SNPH: variants seen among roughly 807,000 people sequenced by gnomAD.
The protein encoded by SNPH is syntaphilin.
Under a neutral mutation model 36.8 loss-of-function variants are expected in SNPH, and 10 were observed. The observed-to-expected ratio is 0.27, with a 90% CI of 0.17 to 0.46. The LOEUF is 0.46. SNPH is among the 20% of genes least tolerant of loss of function. SNPH has a pLI of 1.00. For missense variants in SNPH, 622 were observed against 744.0 expected (o/e 0.84, Z 1.91); for synonymous variants, 281 against 312.2 (o/e 0.90, Z 1.05).
chr20:1,283,671 G>A (rs577387040), intron 2 of SNPH, among the ~76,000 whole-genome samples: 6 of 152,160 alleles, frequency 3.9e-5, no homozygotes, highest in Non-Finnish European at 5.9e-5. Context: ...ACGGCCGTGG[G>A]CTGCCAGTTT....
intron 2 of SNPH, among the ~76,000 whole-genome samples, chr20:1,274,546 G>C (rs2088109406): frequency 6.6e-6 from 1 of 152,184 alleles, no homozygotes; most frequent in South Asian, 2.1e-4. Context: ...GCTGGTCACA[G>C]ATGAGGCAAG....
intron 2 of SNPH, among the ~76,000 whole-genome samples, chr20:1,268,694 G>A (rs781690495): frequency 5.9e-5 from 9 of 151,286 alleles, no homozygotes; most frequent in Non-Finnish European, 1.3e-4. Flanking sequence ...CCATGAGTAG[G>A]CCCAAAGTAG....
intron 5 of SNPH, among the ~76,000 whole-genome samples, chr20:1,298,851 T>C (rs2088472395): frequency 6.9e-6 from 1 of 143,946 alleles, no homozygotes; most frequent in African/African-American, 2.7e-5. Context: ...TGTGTATACA[T>C]ATTTTTTTTT....
At chr20:1,303,665 A>G (rs1822142152) in intron 6 of SNPH, among the ~76,000 whole-genome samples, 1 of 152,136 alleles carries the variant, frequency 6.6e-6, no homozygotes, top group Admixed American at 6.5e-5. Context: ...GCATCCCCTC[A>G]GCCCCCAGTC....
intron 2 of SNPH, among the ~76,000 whole-genome samples, chr20:1,286,702 G>A (rs887515775): frequency 4.6e-5 from 7 of 152,196 alleles, no homozygotes; most frequent in African/African-American, 1.7e-4. Context: ...TGAAATGCCA[G>A]GAGAGCAAGA....
intron 2 of SNPH, among the ~76,000 whole-genome samples, chr20:1,272,260 T>A (rs1299546338): frequency 6.6e-6 from 1 of 152,202 alleles, no homozygotes; most frequent in African/African-American, 2.4e-5. Context: ...AGAGCTTCTG[T>A]TTCCTCACCT....
At position 1,285,458 on chromosome 20, in the gene SNPH, T is replaced by C. The variant is rs1174177551; in HGVS notation, c.-492-9493T>C. 6.6e-6 allele frequency among the ~76,000 whole-genome samples: 1 copy of C among 152,184 alleles called. No homozygotes were observed. Among genetic ancestry groups the C allele is most frequent in the Non-Finnish European group, 1.5e-5 (1 of 68,034 alleles). ...AAAGATGTAATATACATGAATAACA[T>C]TGAGAATAAGAATATATTCAGGCGA... is the stretch of plus-strand genomic sequence containing the variant. On this transcript the variant is annotated intron_variant, in intron 2 of 6. Transcript: ENST00000381867. This position sits in a 1 kb window ranked among gnomAD's most constrained non-coding sequence, Gnocchi z 4.9.
At position 1,309,278 on chromosome 20, in the gene SNPH, A is replaced by AGTT. The variant is rs1479103156; in HGVS notation, c.*3227_*3229dup. The AGTT allele has an allele frequency of 1.3e-5, 2 of 152,634 alleles. No homozygotes were observed. The highest frequency in any genetic ancestry group is 2.4e-5 in the African/African-American group (1 of 41,444). 9.5% of individuals were successfully genotyped at this position (152,634 alleles called of 1,614,324 possible). ...CTCCTTTGTCCTTTTGTTCAGACAGAGTTGTACCTGCAGCAGACAACTCTG... is the reference window on the plus strand; with the variant it reads ...CTCCTTTGTCCTTTTGTTCAGACAGAGTTGTTGTACCTGCAGCAGACAACTCTG... On this transcript the variant is annotated 3_prime_UTR_variant, in exon 7 of 7. Transcript: ENST00000381867.
At position 1,305,208 on chromosome 20, in the gene SNPH, C is replaced by T; in HGVS notation, c.771C>T (p.Ser257=). The change falls in exon 7 of 7, where the codon TCC becomes TCT. Residue 257 remains serine, a synonymous_variant. Coordinates refer to ENST00000381867, the MANE Select transcript of SNPH (RefSeq NM_001318234.2). The part of the protein sequence containing the change: ...GSPARSLTRS[S]TYTKLSDPAV... The stretch of plus-strand genomic sequence containing the variant: ...CTGCCCGCTCCCTCACCCGCAGCTC[C>T]ACCTACACCAAGCTGAGTGACCCGG... 6.2e-7 allele frequency: 1 copy of T among 1,611,852 alleles called. No individual in the cohort carries two copies. The highest frequency in any genetic ancestry group is 1.1e-5 in the South Asian group (1 of 91,014).
chr20:1,286,969 C>A (rs1040802784), intron 2 of SNPH, among the ~76,000 whole-genome samples: 1 of 152,170 alleles, frequency 6.6e-6, no homozygotes, highest in Admixed American at 6.5e-5. Context: ...ACACACAGGG[C>A]AACTTTGGGG....
At chr20:1,278,072 C>CTG (rs980718077) in intron 2 of SNPH, among the ~76,000 whole-genome samples, 2 of 99,190 alleles carry the variant, frequency 2.0e-5, no homozygotes, top group South Asian at 6.6e-4. Flanking sequence ...GTGTGTGTAT[C>CTG]TGTGTGTGTC....
rs776672080 is a variant in SNPH at position 1,304,851 on chromosome 20, G to T, written c.441-27G>T. ...GACAGACCAGGCAGGCAGGCAGTGA[G>T]CGTGTGTGTGTCTCCTCGGCTCGCA... On this transcript the variant is annotated intron_variant, in intron 6 of 6. Coordinates refer to ENST00000381867, the MANE Select transcript of SNPH (RefSeq NM_001318234.2). This position sits in a 1 kb window ranked among gnomAD's most constrained non-coding sequence, Gnocchi z 4.3. 1 of 1,601,634 alleles carries T rather than the reference G, an allele frequency of 6.2e-7. No homozygotes were observed. Among genetic ancestry groups the T allele is most frequent in the Non-Finnish European group, 8.5e-7 (1 of 1,172,810 alleles).
chr20:1,284,999 G>A (rs950184639), intron 2 of SNPH, among the ~76,000 whole-genome samples: 1 of 152,176 alleles, frequency 6.6e-6, no homozygotes, highest in Non-Finnish European at 1.5e-5. Context: ...TTGGACCAGG[G>A]ATGGAGCAGT....
rs2088609397 is a variant in SNPH at position 1,308,357 on chromosome 20, G to A, written c.*2303G>A. 6.5e-6 allele frequency: 1 copy of A among 152,782 alleles called. No individual in the cohort carries two copies. Among genetic ancestry groups the A allele is most frequent in the Non-Finnish European group, 1.5e-5 (1 of 68,502 alleles). 9.5% of individuals were successfully genotyped at this position (152,782 alleles called of 1,614,324 possible). On this transcript the variant is annotated 3_prime_UTR_variant, in exon 7 of 7. Transcript: ENST00000381867. Reference sequence around the variant, plus strand: ...ACAGTGTTGAGGGTCCTCTCTTTCGGGGGCTCTCCTGGGGCCTTCGATGGG... The same window carrying A: ...ACAGTGTTGAGGGTCCTCTCTTTCGAGGGCTCTCCTGGGGCCTTCGATGGG...
chr20:1,292,372 G>A (rs1015735909), intron 2 of SNPH, among the ~76,000 whole-genome samples: 1 of 152,196 alleles, frequency 6.6e-6, no homozygotes, highest in Non-Finnish European at 1.5e-5. Flanking sequence ...AGAGCCAGTT[G>A]GAAAGGTTGT....
At position 1,294,317 on chromosome 20, in the gene SNPH, C is replaced by G. The variant is rs1189234494; in HGVS notation, c.-492-634C>G. The stretch of plus-strand genomic sequence containing the variant: ...GGCAGGTGATCCTTGGAGCCCTTGC[C>G]CATGTGCCCCTCTGCACCCTAAGCT... On this transcript the variant is annotated intron_variant, in intron 2 of 6. Coordinates refer to ENST00000381867, the MANE Select transcript of SNPH (RefSeq NM_001318234.2). This position sits in a 1 kb window ranked among gnomAD's most constrained non-coding sequence, Gnocchi z 4.4. Among the ~76,000 whole-genome samples the G allele has an allele frequency of 6.6e-6, 1 of 152,194 alleles. No homozygotes were observed. The highest frequency in any genetic ancestry group is 1.5e-5 in the Non-Finnish European group (1 of 68,024).
At chr20:1,302,656 C>G (rs1269127837) in intron 6 of SNPH, among the ~76,000 whole-genome samples, 1 of 152,358 alleles carries the variant, frequency 6.6e-6, no homozygotes, top group East Asian at 1.9e-4. Flanking sequence ...ACCATAGTCC[C>G]TGGCAACCAC....
intron 2 of SNPH, among the ~76,000 whole-genome samples, chr20:1,274,321 A>C (rs996767444): frequency 2.0e-5 from 3 of 152,132 alleles, no homozygotes; most frequent in Non-Finnish European, 4.4e-5. Context: ...CCAGCAAGGA[A>C]GGCAAATTTT....
Position 1,306,325 on chromosome 20 carries a change from C to A in SNPH, c.*271C>A, listed in dbSNP as rs925295237. On this transcript the variant is annotated 3_prime_UTR_variant, in exon 7 of 7. Coordinates refer to ENST00000381867, the MANE Select transcript of SNPH (RefSeq NM_001318234.2). ...AGGGAGGGGAGGGAGCGAGGGCCAACCCGGCCCCTCTGTCCCCTTGGCTCT... is the reference window on the plus strand; with the variant it reads ...AGGGAGGGGAGGGAGCGAGGGCCAAACCGGCCCCTCTGTCCCCTTGGCTCT... The A allele has an allele frequency of 1.9e-5, 7 of 374,724 alleles. No individual in the cohort carries two copies. The South Asian group carries it at 5.1e-4, about 27-fold the overall frequency. The allele number at this position is 374,724 out of a possible 1,614,324, so 23.2% of individuals were successfully genotyped here. A position where few individuals can be genotyped will look rare whatever the true frequency, so the allele number is the denominator to read the frequency against.
Sources: allele counts gnomAD v4.1 joint callset (sites outside exome capture counted in the v4.1 genomes callset), GRCh38; gene constraint gnomAD v4.1.1; non-coding constraint Gnocchi (gnomAD v3.1); transcripts MANE v1.5; gene names NCBI Gene and HGNC (gene_info 2026-07-23, HGNC 2026-07-21).